UNC5C: variants seen among roughly 807,000 people sequenced by gnomAD.
UNC5C encodes the protein unc-5 netrin receptor C, also known as netrin receptor UNC5C.
A neutral mutation model predicts 99.8 loss-of-function variants in UNC5C; 47 were observed. The ratio of observed to expected loss-of-function variants is 0.47; its 90% confidence interval spans 0.37 to 0.60. The LOEUF is 0.60. UNC5C is among the 20% of genes least tolerant of loss of function. The probability of loss-of-function intolerance (pLI) is 0.00; values close to 1 mark genes in which losing one functional copy is unlikely to be tolerated. For missense variants in UNC5C, 1,062 were observed against 1,165.9 expected (o/e 0.91, Z 1.30); for synonymous variants, 487 against 452.2 (o/e 1.08, Z -0.98).
chr4:95,222,126 T>G, intron 7 of UNC5C: 1 of 1,003,660 alleles, frequency 1.0e-6, no homozygotes, highest in Non-Finnish European at 1.4e-6. Flanking sequence ...TGCACATCTG[T>G]AATCCGAAGA....
intron 1 of UNC5C, among the ~76,000 whole-genome samples, chr4:95,463,149 G>A (rs1747657183): frequency 6.6e-6 from 1 of 152,158 alleles, no homozygotes; most frequent in Non-Finnish European, 1.5e-5. Flanking sequence ...GAGCACTAAA[G>A]AAAGGGCTGA....
chr4:95,182,746 T>C, intron 14 of UNC5C, 151 bp downstream of exon 14: 1 of 776,842 alleles, frequency 1.3e-6, no homozygotes, highest in South Asian at 4.8e-5. Context: ...CATTGCTCAT[T>C]ACAAATATTA....
intron 1 of UNC5C, among the ~76,000 whole-genome samples, chr4:95,462,945 C>A (rs947616758): frequency 6.6e-6 from 1 of 152,140 alleles, no homozygotes; most frequent in Admixed American, 6.5e-5. Context: ...GTCTTCAAAT[C>A]TTTGAGGGTG....
intron 7 of UNC5C, among the ~76,000 whole-genome samples, chr4:95,233,177 T>C (rs1738977499): frequency 6.6e-6 from 1 of 152,216 alleles, no homozygotes; most frequent in Non-Finnish European, 1.5e-5. Context: ...CTTCTGAGAA[T>C]TAATAGAAGA....
At chr4:95,522,637 T>C (rs141957144) in intron 1 of UNC5C, among the ~76,000 whole-genome samples, 109 of 152,368 alleles carry the variant, frequency 7.2e-4, no homozygotes, top group Non-Finnish European at 1.3e-3. Flanking sequence ...AGTTCAGAGT[T>C]GAGAGTCAAC....
intron 14 of UNC5C, 113 bp from the exon 15 acceptor site, chr4:95,170,445 G>T: frequency 1.6e-6 from 2 of 1,261,188 alleles, no homozygotes; most frequent in Non-Finnish European, 2.2e-6. Flanking sequence ...AATGAATGCT[G>T]TTATTCTTCT....
At chr4:95,382,704 C>T (rs2149442472) in intron 1 of UNC5C, among the ~76,000 whole-genome samples, 1 of 152,172 alleles carries the variant, frequency 6.6e-6, no homozygotes, top group South Asian at 2.1e-4. Flanking sequence ...TGTCTCTGTC[C>T]TCTTTTGGCA....
At chr4:95,314,809 A>T (rs1319966733) in intron 2 of UNC5C, among the ~76,000 whole-genome samples, 1 of 152,196 alleles carries the variant, frequency 6.6e-6, no homozygotes, top group Non-Finnish European at 1.5e-5. Context: ...TGTAAAGAAA[A>T]TGATAATGGT....
intron 1 of UNC5C, among the ~76,000 whole-genome samples, chr4:95,381,743 T>A (rs560566568): frequency 6.6e-6 from 1 of 152,188 alleles, no homozygotes; most frequent in Non-Finnish European, 1.5e-5. Context: ...ATTGATTAAA[T>A]GGCAATGTAA....
chr4:95,260,307 A>G (rs1326356689), intron 4 of UNC5C, among the ~76,000 whole-genome samples: 1 of 152,222 alleles, frequency 6.6e-6, no homozygotes, highest in African/African-American at 2.4e-5. Flanking sequence ...ATGCATTGTT[A>G]TCATTAACCA....
intron 7 of UNC5C, among the ~76,000 whole-genome samples, chr4:95,221,756 T>C (rs1490171417): frequency 6.6e-6 from 1 of 152,214 alleles, no homozygotes; most frequent in Non-Finnish European, 1.5e-5. Context: ...CTTACTTCAC[T>C]TCTCTGTTGG....
intron 3 of UNC5C, among the ~76,000 whole-genome samples, chr4:95,294,157 A>T (rs1028393555): frequency 6.6e-6 from 1 of 152,228 alleles, no homozygotes; most frequent in Non-Finnish European, 1.5e-5. Flanking sequence ...AAATAATTTT[A>T]TCTGTTTCTT....
chr4:95,294,867 T>C (rs1204509847), intron 3 of UNC5C, among the ~76,000 whole-genome samples: 1 of 152,224 alleles, frequency 6.6e-6, no homozygotes, highest in Non-Finnish European at 1.5e-5. Context: ...TTTACAAGTT[T>C]ATCTCATTTA....
intron 1 of UNC5C, among the ~76,000 whole-genome samples, chr4:95,374,881 C>T (rs1055869216): frequency 2.0e-5 from 3 of 152,050 alleles, no homozygotes; most frequent in Admixed American, 6.6e-5. Flanking sequence ...ATTTACAGTA[C>T]TGACTCTCAG....
At position 95,170,333 on chromosome 4, in the gene UNC5C, C is replaced by G. The variant is rs1349274212; in HGVS notation, c.2452-1G>C. On this transcript the variant is annotated splice_acceptor_variant, in intron 14 of 15. Coordinates refer to ENST00000453304, the MANE Select transcript of UNC5C (RefSeq NM_003728.4). LOFTEE classifies it high-confidence loss of function. ...GCGGCAAATCGATGCCAGTAGGTTCCTGTAGTTCAGGGACAGGAACAACAC... is the reference window on the plus strand; with the variant it reads ...GCGGCAAATCGATGCCAGTAGGTTCGTGTAGTTCAGGGACAGGAACAACAC... 6.2e-7 allele frequency: 1 copy of G among 1,613,782 alleles called. No homozygotes were observed. Among genetic ancestry groups the G allele is most frequent in the Non-Finnish European group, 8.5e-7 (1 of 1,179,716 alleles).
At chr4:95,448,930 G>A (rs1232461561) in intron 1 of UNC5C, among the ~76,000 whole-genome samples, 1 of 152,106 alleles carries the variant, frequency 6.6e-6, no homozygotes, top group Non-Finnish European at 1.5e-5. Context: ...TTTCTTTGGG[G>A]ACTCTAAGTA....
chr4:95,427,177 T>A (rs1746509335), intron 1 of UNC5C, among the ~76,000 whole-genome samples: 1 of 152,154 alleles, frequency 6.6e-6, no homozygotes, highest in Non-Finnish European at 1.5e-5. Flanking sequence ...ATTGCTGCAA[T>A]CTCATGGTCA....
At chr4:95,373,234 C>A (rs146354146) in intron 1 of UNC5C, among the ~76,000 whole-genome samples, 1 of 152,250 alleles carries the variant, frequency 6.6e-6, no homozygotes, top group East Asian at 1.9e-4. Context: ...CTTAACTGTT[C>A]CCCGGCTTTC....
intron 4 of UNC5C, among the ~76,000 whole-genome samples, chr4:95,260,343 C>A (rs1740173687): frequency 6.6e-6 from 1 of 152,160 alleles, no homozygotes; most frequent in African/African-American, 2.4e-5. Flanking sequence ...ACTTAAACAG[C>A]CAATTGAAAC....
Sources: allele counts gnomAD v4.1 joint callset (sites outside exome capture counted in the v4.1 genomes callset), GRCh38; gene constraint gnomAD v4.1.1; transcripts MANE v1.5; gene names NCBI Gene and HGNC (gene_info 2026-07-23, HGNC 2026-07-21).